DMD: variants seen among roughly 807,000 people sequenced by gnomAD.
DMD encodes dystrophin, also known as mutant dystrophin.
In DMD, 63 loss-of-function variants were observed where a neutral mutation model predicts 330.1. The ratio of observed to expected loss-of-function variants is 0.19; its 90% confidence interval spans 0.16 to 0.24. The LOEUF (loss-of-function observed/expected upper bound fraction) is 0.24, where lower values mean the gene tolerates loss of function less well. DMD is among the 10% of genes least tolerant of loss of function. The pLI is 1.00. For missense variants in DMD, 3,344 were observed against 2,684.1 expected, an observed-to-expected ratio of 1.25 and a Z score of -5.43; for synonymous variants, 1,223 against 959.8, an observed-to-expected ratio of 1.27 and a Z score of -5.07.
At chrX:32,584,486 G>C (rs1353393819) in intron 13 of DMD, among the ~76,000 whole-genome samples, 1 of 111,759 alleles carries the variant, frequency 8.9e-6, no homozygotes, top group African/African-American at 3.3e-5. Context: ...TATGTTGATA[G>C]ATGAATTATT....
intron 1 of DMD, among the ~76,000 whole-genome samples, chrX:33,269,451 G>C (rs887166318): frequency 8.1e-5 from 9 of 110,542 alleles, no homozygotes; most frequent in Non-Finnish European, 1.7e-4. Context: ...GGGAGGGACC[G>C]GCGGGGAAGG....
intron 44 of DMD, among the ~76,000 whole-genome samples, chrX:32,108,374 C>A (rs907170323): frequency 8.9e-6 from 1 of 111,814 alleles, no homozygotes; most frequent in East Asian, 2.8e-4. Context: ...ATTTCTCTTA[C>A]AAAGAAAGTC....
chrX:31,614,354 A>G (rs1486909303), intron 55 of DMD, among the ~76,000 whole-genome samples: 1 of 112,104 alleles, frequency 8.9e-6, no homozygotes, highest in Non-Finnish European at 1.9e-5. Flanking sequence ...ACTCCCAGAG[A>G]ATAATATATT....
At chrX:32,593,410 TTTA>T (rs1482912942) in intron 13 of DMD, among the ~76,000 whole-genome samples, 1 of 112,201 alleles carries the variant, frequency 8.9e-6, no homozygotes, top group African/African-American at 3.2e-5. Context: ...TTAAAAATAC[TTTA>T]TTAATGTCTA....
intron 1 of DMD, among the ~76,000 whole-genome samples, chrX:33,050,855 G>A (rs888156615): frequency 8.9e-6 from 1 of 112,222 alleles, no homozygotes; most frequent in Non-Finnish European, 1.9e-5. Context: ...TAAAGAGCAA[G>A]AAGAAAATTA....
chrX:32,287,237 A>G (rs1167109252), intron 43 of DMD, among the ~76,000 whole-genome samples: 1 of 111,897 alleles, frequency 8.9e-6, no homozygotes, highest in African/African-American at 3.2e-5. Flanking sequence ...GTTATATCGA[A>G]CAACTGTTTA....
chrX:33,200,374 C>G (rs2051195003), intron 1 of DMD, among the ~76,000 whole-genome samples: 1 of 110,652 alleles, frequency 9.0e-6, no homozygotes, highest in South Asian at 3.8e-4. Context: ...CATACGTAAA[C>G]CACTTAATTT....
intron 62 of DMD, 78 bp from the exon 63 acceptor site, chrX:31,261,094 T>C (rs2050464133): frequency 9.0e-6 from 8 of 892,243 alleles, no homozygotes; most frequent in Non-Finnish European, 1.3e-5. Context: ...AAAACAACAA[T>C]AACAACAACA....
At chrX:33,200,985 AC>A (rs752921669) in intron 1 of DMD, among the ~76,000 whole-genome samples, 2 of 84,179 alleles carry the variant, frequency 2.4e-5, no homozygotes, top group African/African-American at 9.8e-5. Flanking sequence ...AGGCTGGAGT[AC>A]AGTGGCGAGA....
At chrX:32,164,386 G>A (rs1372723346) in intron 44 of DMD, among the ~76,000 whole-genome samples, 1 of 111,422 alleles carries the variant, frequency 9.0e-6, no homozygotes, top group Admixed American at 9.6e-5. Flanking sequence ...GGCAGAGGTG[G>A]TCTCAGATGG....
Position 31,679,164 on chromosome X carries a change from T to A in DMD, c.7872+211A>T, listed in dbSNP as rs773364511. Among the ~76,000 whole-genome samples, 3 of 111,706 alleles carry A rather than the reference T, an allele frequency of 2.7e-5. No homozygotes were observed. In the East Asian group the frequency reaches 8.5e-4, roughly 32 times the overall value. On this transcript the variant is annotated intron_variant, in intron 53 of 78. Transcript: ENST00000357033. ...TTGAGCCCCAGAGTTCAAGGCTCAG[T>A]GAGCTATGATTGTGCCACTGCACTT...
intron 4 of DMD, among the ~76,000 whole-genome samples, chrX:32,830,671 G>T (rs1266306134): frequency 8.9e-6 from 1 of 111,880 alleles, no homozygotes; most frequent in African/African-American, 3.2e-5. Context: ...GTTAAACTAC[G>T]CAGCACAATT....
At chrX:32,710,092 G>A (rs994936620) in intron 7 of DMD, among the ~76,000 whole-genome samples, 4 of 111,287 alleles carry the variant, frequency 3.6e-5, no homozygotes, top group African/African-American at 1.3e-4. Context: ...ACAAAATTCT[G>A]CAAAAGAGAT....
chrX:33,042,256 T>A (rs893649641), intron 1 of DMD, among the ~76,000 whole-genome samples: 1 of 111,997 alleles, frequency 8.9e-6, no homozygotes, highest in East Asian at 2.8e-4. Context: ...TGAGGCATAT[T>A]CCCTTCTCAA....
At chrX:32,161,752 A>G (rs2096850050) in intron 44 of DMD, among the ~76,000 whole-genome samples, 1 of 111,817 alleles carries the variant, frequency 8.9e-6, no homozygotes, top group Non-Finnish European at 1.9e-5. Flanking sequence ...TATGTTCTCT[A>G]AGGTATGTGA....
chrX:32,781,321 G>A (rs1000774436), intron 7 of DMD, among the ~76,000 whole-genome samples: 2 of 110,584 alleles, frequency 1.8e-5, no homozygotes, highest in East Asian at 2.8e-4. Flanking sequence ...ATTTTTTGAA[G>A]GTTAGGAATT....
chrX:31,831,880 G>A (rs1372734571), intron 49 of DMD, among the ~76,000 whole-genome samples: 1 of 112,448 alleles, frequency 8.9e-6, no homozygotes, highest in East Asian at 2.8e-4. Context: ...GGTATTACAG[G>A]CGCGAGCCAC....
intron 9 of DMD, among the ~76,000 whole-genome samples, chrX:32,684,480 T>C (rs1332483641): frequency 9.0e-6 from 1 of 111,541 alleles, no homozygotes; most frequent in Non-Finnish European, 1.9e-5. Flanking sequence ...TAACTATGTC[T>C]TACATCATTT....
rs749161851 is a variant in DMD, at chrX:32,967,539, G to T, written c.93+52600C>A. Among the ~76,000 whole-genome samples the T allele has an allele frequency of 5.4e-5, 6 of 111,304 alleles. No homozygotes were observed. The South Asian group carries it at 2.3e-3, about 42-fold the overall frequency. ...ATCTATTATTAACCTGAAGAATGCT[G>T]CTTGGGTCTTCAATATTCCAGCACT... On this transcript the variant is annotated intron_variant, in intron 2 of 78. Transcript: ENST00000357033.
Sources: allele counts gnomAD v4.1 joint callset (sites outside exome capture counted in the v4.1 genomes callset), GRCh38; gene constraint gnomAD v4.1.1; transcripts MANE v1.5; gene names NCBI Gene and HGNC (gene_info 2026-07-23, HGNC 2026-07-21).